Variants in IQCK observed in about 807,000 individuals in gnomAD.
The protein encoded by IQCK is IQ motif containing K.
IQCK carries 29 observed loss-of-function variants against 28.1 expected under a neutral mutation model. That is an observed-to-expected ratio of 1.03 (90% confidence interval 0.77 to 1.41). IQCK has a LOEUF of 1.41. Among genes scored for constraint, IQCK ranks in the 40% most tolerant of loss-of-function variants. The pLI is 0.00. For missense variants in IQCK, 359 were observed against 314.7 expected (o/e 1.14, Z -1.07); for synonymous variants, 113 against 115.1 (o/e 0.98, Z 0.12).
At chr16:19,750,402 C>T (rs902439835) in intron 4 of IQCK, among the ~76,000 whole-genome samples, 2 of 151,522 alleles carry the variant, frequency 1.3e-5, no homozygotes, top group Non-Finnish European at 2.9e-5. Context: ...GCTGGGATTA[C>T]AGGAGTGAAC....
intron 7 of IQCK, among the ~76,000 whole-genome samples, chr16:19,815,133 T>A (rs978395874): frequency 6.6e-6 from 1 of 152,066 alleles, no homozygotes; most frequent in Non-Finnish European, 1.5e-5. Context: ...TTTTCTGTAT[T>A]TTCCATTTGA....
At chr16:19,761,304 G>C in intron 4 of IQCK, 1 of 442,984 alleles carries the variant, frequency 2.3e-6, no homozygotes, top group Non-Finnish European at 4.5e-6. Flanking sequence ...AACCCCTAAT[G>C]TTCTTTTTTT....
At chr16:19,783,368 A>T (rs969515777) in intron 6 of IQCK, among the ~76,000 whole-genome samples, 2 of 152,124 alleles carry the variant, frequency 1.3e-5, no homozygotes, top group African/African-American at 4.8e-5. Context: ...ACAAATGAGT[A>T]TTACTAGTAT....
At chr16:19,783,547 G>T (rs200168174) in intron 6 of IQCK, among the ~76,000 whole-genome samples, 16,934 of 152,088 alleles carry the variant, frequency 0.11, 1,352 homozygotes, top group South Asian at 0.27. Flanking sequence ...ATGAGCAGTC[G>T]CCTCTTTATT....
chr16:19,773,814 G>A (rs1324288023), intron 6 of IQCK, among the ~76,000 whole-genome samples: 2 of 152,204 alleles, frequency 1.3e-5, no homozygotes, highest in African/African-American at 2.4e-5. Flanking sequence ...ATAATTAGAA[G>A]TAAGTAGTAG....
chr16:19,718,434 C>T (rs771413653), exon 1 of IQCK: 27 of 1,606,692 alleles, frequency 1.7e-5, no homozygotes, highest in Non-Finnish European at 2.2e-5. Context: ...CCTGTCTCGT[C>T]GTGGCAGGTC....
intron 6 of IQCK, 27 bp downstream of exon 6, chr16:19,764,139 ATTTATT>A (rs760122031): frequency 5.9e-6 from 9 of 1,528,494 alleles, no homozygotes; most frequent in Non-Finnish European, 8.1e-6. Context: ...GCTTTGAATA[ATTTATT>A]CCTAATTTAA....
intron 1 of IQCK, among the ~76,000 whole-genome samples, chr16:19,727,677 A>T (rs1297898692): frequency 6.6e-6 from 1 of 151,142 alleles, no homozygotes; most frequent in Non-Finnish European, 1.5e-5. Flanking sequence ...TGACTTTTAC[A>T]CTCTACATAA....
chr16:19,826,463 C>T (rs1364575448), intron 7 of IQCK, among the ~76,000 whole-genome samples: 1 of 152,208 alleles, frequency 6.6e-6, no homozygotes, highest in Non-Finnish European at 1.5e-5. Flanking sequence ...ACTGCAACCT[C>T]CCCTCCCGGG....
chr16:19,782,991 C>CT (rs111698209), intron 6 of IQCK, among the ~76,000 whole-genome samples: 48,712 of 148,320 alleles, frequency 0.33, 12,525 homozygotes, highest in African/African-American at 0.73. Flanking sequence ...GATTCTTCTT[C>CT]TTTTTTTGTG....
chr16:19,841,570 A>G (rs113573919), intron 9 of IQCK, among the ~76,000 whole-genome samples: 1,809 of 152,270 alleles, frequency 0.012, 39 homozygotes, highest in African/African-American at 0.042. Flanking sequence ...AATGAAATTA[A>G]CACTCTCCCT....
intron 4 of IQCK, among the ~76,000 whole-genome samples, chr16:19,743,128 G>A (rs553176537): frequency 7.9e-5 from 12 of 152,272 alleles, no homozygotes; most frequent in East Asian, 3.9e-4. Flanking sequence ...CTGAGATCAC[G>A]CCACTGCCCT....
At chr16:19,754,105 C>T (rs2055021390) in intron 4 of IQCK, among the ~76,000 whole-genome samples, 1 of 152,044 alleles carries the variant, frequency 6.6e-6, no homozygotes, top group African/African-American at 2.4e-5. Flanking sequence ...TCAGGGTTCA[C>T]ACCTGGAGCT....
chr16:19,835,587 C>CTTTTTT (rs372317479), intron 9 of IQCK, among the ~76,000 whole-genome samples: 9 of 138,940 alleles, frequency 6.5e-5, no homozygotes, highest in South Asian at 2.3e-4. Flanking sequence ...CTTTTCTTTT[C>CTTTTTT]TTTTTTTTTT....
intron 4 of IQCK, among the ~76,000 whole-genome samples, chr16:19,755,919 A>G (rs953846157): frequency 2.4e-4 from 36 of 152,240 alleles, no homozygotes; most frequent in African/African-American, 8.2e-4. Context: ...CCAGTGGCTC[A>G]CACCTGTAAT....
At chr16:19,754,342 A>C (rs564882285) in intron 4 of IQCK, among the ~76,000 whole-genome samples, 1 of 152,368 alleles carries the variant, frequency 6.6e-6, no homozygotes, top group East Asian at 1.9e-4. Context: ...AGTTTTGTGC[A>C]TGAGTAAAAC....
At chr16:19,809,854 C>G (rs2055880654) in intron 7 of IQCK, among the ~76,000 whole-genome samples, 1 of 152,128 alleles carries the variant, frequency 6.6e-6, no homozygotes, top group Non-Finnish European at 1.5e-5. Flanking sequence ...GTGTTTCAAA[C>G]AAGTTCTCAG....
intron 1 of IQCK, among the ~76,000 whole-genome samples, chr16:19,723,911 G>C (rs1977573549): frequency 6.6e-6 from 1 of 150,622 alleles, no homozygotes; most frequent in African/African-American, 2.4e-5. Flanking sequence ...ACTGAGCCGA[G>C]ATCATGCCAT....
intron 4 of IQCK, 78 bp downstream of exon 4, chr16:19,735,528 G>A (rs1169505807): frequency 5.1e-6 from 6 of 1,182,248 alleles, no homozygotes; most frequent in Non-Finnish European, 6.3e-6. Context: ...CATTATCTTG[G>A]TACCATCAGG....
Sources: gnomAD v4.1 joint callset for allele counts (sites outside exome capture counted in the v4.1 genomes callset) on GRCh38, gnomAD v4.1.1 for gene constraint, MANE v1.5 for transcripts, NCBI Gene and HGNC (gene_info 2026-07-23, HGNC 2026-07-21) for gene names.